DGLUCY: variants seen among roughly 807,000 people sequenced by gnomAD.
The protein encoded by DGLUCY is D-glutamate cyclase, also known as D-glutamate cyclase, mitochondrial.
A neutral mutation model predicts 58.5 loss-of-function variants in DGLUCY; 58 were observed. The ratio of observed to expected loss-of-function variants is 0.99; its 90% CI spans 0.80 to 1.23. The LOEUF (loss-of-function observed/expected upper bound fraction) is 1.23, where lower values mean the gene tolerates loss of function less well. Ranked by LOEUF, DGLUCY falls within the 50% of genes most tolerant of loss-of-function variation. The pLI is 0.00. For synonymous variants in DGLUCY, 325 were observed against 314.1 expected (o/e 1.03, Z -0.37); for missense variants, 779 against 784.7 (o/e 0.99, Z 0.09).
intron 1 of DGLUCY, among the ~76,000 whole-genome samples, chr14:91,085,437 A>G (rs982790476): frequency 4.9e-4 from 75 of 151,528 alleles, no homozygotes; most frequent in African/African-American, 1.7e-3. Context: ...CCTAGGTCCC[A>G]CAGCACTGTG....
chr14:91,101,272 T>C (rs977672522), intron 1 of DGLUCY, among the ~76,000 whole-genome samples: 41 of 152,184 alleles, frequency 2.7e-4, no homozygotes, highest in African/African-American at 9.9e-4. Context: ...TCATGCTCCT[T>C]GGTTAGGAGC....
At chr14:91,184,912 G>A (rs988940459) in intron 8 of DGLUCY, among the ~76,000 whole-genome samples, 1 of 152,058 alleles carries the variant, frequency 6.6e-6, no homozygotes, top group African/African-American at 2.4e-5. Flanking sequence ...ACACCTCATA[G>A]GTTATGCTCA....
chr14:91,071,916 G>A (rs944022766), intron 1 of DGLUCY, among the ~76,000 whole-genome samples: 1 of 151,662 alleles, frequency 6.6e-6, no homozygotes, highest in Non-Finnish European at 1.5e-5. Flanking sequence ...CTTATACTGT[G>A]AACATAATTA....
intron 4 of DGLUCY, among the ~76,000 whole-genome samples, chr14:91,168,258 C>T (rs969031338): frequency 6.6e-6 from 1 of 151,628 alleles, no homozygotes; most frequent in Non-Finnish European, 1.5e-5. Context: ...AGGGCAAGAC[C>T]CTGTCTAAAA....
intron 11 of DGLUCY, among the ~76,000 whole-genome samples, chr14:91,201,681 C>T (rs1448640730): frequency 1.3e-5 from 2 of 152,052 alleles, no homozygotes; most frequent in Non-Finnish European, 2.9e-5. Context: ...TGAGCTCAAG[C>T]TATCTTCCCA....
upstream of DGLUCY, among the ~76,000 whole-genome samples, chr14:91,107,504 T>C (rs6575174): frequency 0.91 from 138,188 of 151,840 alleles, 63,453 homozygotes; most frequent in East Asian, 1. Context: ...GGCAACAGAG[T>C]GAGACTCCAT....
intron 1 of DGLUCY, among the ~76,000 whole-genome samples, chr14:91,088,788 C>T (rs1019022346): frequency 1.3e-5 from 2 of 152,186 alleles, no homozygotes; most frequent in African/African-American, 4.8e-5. Context: ...CAGAGTCACC[C>T]CCAGGGACGG....
chr14:91,220,649 G>A (rs1418735968), intron 13 of DGLUCY: 1 of 456,236 alleles, frequency 2.2e-6, no homozygotes, highest in Non-Finnish European at 4.4e-6. Flanking sequence ...TTCTCCCGCT[G>A]CCACACTCCC....
intron 1 of DGLUCY, among the ~76,000 whole-genome samples, chr14:91,090,718 GGAA>G (rs1462511546): frequency 5.9e-5 from 9 of 152,300 alleles, no homozygotes; most frequent in Admixed American, 4.6e-4. Flanking sequence ...AGGACTGATG[GGAA>G]GAAGGAGACA....
chr14:91,068,095 A>G (rs1004123228), intron 1 of DGLUCY, among the ~76,000 whole-genome samples: 6 of 151,840 alleles, frequency 4.0e-5, no homozygotes, highest in African/African-American at 9.6e-5. Flanking sequence ...ACACACACAC[A>G]CACACACACA....
chr14:91,073,239 G>C (rs1012397172), intron 1 of DGLUCY, among the ~76,000 whole-genome samples: 1 of 151,998 alleles, frequency 6.6e-6, no homozygotes, highest in Admixed American at 6.6e-5. Flanking sequence ...TCAGGAGTTC[G>C]AGACCAGCCT....
At chr14:91,173,481 TG>T in intron 6 of DGLUCY, 42 bp downstream of exon 6, 1 of 1,547,220 alleles carries the variant, frequency 6.5e-7, no homozygotes, top group Non-Finnish European at 8.7e-7. Context: ...CCTGTTCACA[TG>T]GGCAACCCAG....
chr14:91,080,130 A>G (rs2044099111), intron 1 of DGLUCY, among the ~76,000 whole-genome samples: 3 of 151,994 alleles, frequency 2.0e-5, no homozygotes, highest in South Asian at 4.2e-4. Context: ...CATATATCAA[A>G]TTTTCATTCC....
chr14:91,219,675 C>A (rs1814283546), intron 13 of DGLUCY, among the ~76,000 whole-genome samples: 1 of 152,204 alleles, frequency 6.6e-6, no homozygotes, highest in Admixed American at 6.5e-5. Flanking sequence ...CACACCCTGC[C>A]CACTCTGGCC....
intron 12 of DGLUCY, among the ~76,000 whole-genome samples, chr14:91,205,563 G>A (rs1884428777): frequency 6.6e-6 from 1 of 152,182 alleles, no homozygotes; most frequent in African/African-American, 2.4e-5. Flanking sequence ...AGAAATGGCT[G>A]GAGGCTCAGT....
intron 1 of DGLUCY, among the ~76,000 whole-genome samples, chr14:91,132,043 T>G (rs529838436): frequency 1.3e-4 from 20 of 152,350 alleles, no homozygotes; most frequent in African/African-American, 4.8e-4. Flanking sequence ...TCTGCCCACC[T>G]TGGCCTCCCA....
intron 5 of DGLUCY, among the ~76,000 whole-genome samples, chr14:91,171,184 C>T (rs977626244): frequency 3.3e-5 from 5 of 152,088 alleles, no homozygotes; most frequent in East Asian, 1.9e-4. Flanking sequence ...ATGAGGAAAC[C>T]GAGGTCTAAA....
Position 91,069,921 on chromosome 14 carries a change from C to T in DGLUCY, c.-82+9217C>T, listed in dbSNP as rs1595605081. 4.0e-5 allele frequency among the ~76,000 whole-genome samples: 6 copies of T among 151,376 alleles called. No individual in the cohort carries two copies. In the South Asian group the frequency reaches 1.3e-3, roughly 32 times the overall value. ...TCAGCCTCCCAAGTAGCTGGGATTA[C>T]AGGTGCCTGCCACCACACCCAGCTA... On this transcript the variant is annotated intron_variant, in intron 1 of 4. Coordinates refer to the DGLUCY transcript ENST00000521334.
At chr14:91,131,282 G>A (rs1055470699) in intron 1 of DGLUCY, among the ~76,000 whole-genome samples, 9 of 152,162 alleles carry the variant, frequency 5.9e-5, no homozygotes, top group Admixed American at 5.2e-4. Context: ...TGCAGTTTGG[G>A]AATGCTTTTG....
Sources: gnomAD v4.1 joint callset for allele counts (sites outside exome capture counted in the v4.1 genomes callset) on GRCh38, gnomAD v4.1.1 for gene constraint, MANE v1.5 for transcripts, NCBI Gene and HGNC (gene_info 2026-07-23, HGNC 2026-07-21) for gene names.